The following NCOA2 variants were observed in gnomAD, a reference collection of about 807,000 sequenced individuals.
The protein encoded by NCOA2 is nuclear receptor coactivator 2.
Under a neutral mutation model 145.1 loss-of-function variants are expected in NCOA2, and 21 were observed. The ratio of observed to expected loss-of-function variants is 0.14; its 90% CI spans 0.10 to 0.21. NCOA2 has a LOEUF of 0.21. Ranked by LOEUF, NCOA2 falls within the 10% of genes least tolerant of loss-of-function variation. NCOA2 has a pLI of 1.00. For synonymous variants in NCOA2, 619 were observed against 637.5 expected, an observed-to-expected ratio of 0.97 and a Z score of 0.44; for missense variants, 1,472 against 1,837.6, an observed-to-expected ratio of 0.80 and a Z score of 3.64.
the NCOA2 span, among the ~76,000 whole-genome samples, chr8:70,420,472 AAG>A: frequency 1.3e-5 from 2 of 152,188 alleles, no homozygotes; most frequent in African/African-American, 4.8e-5. Flanking sequence ...TATGCTAACT[AAG>A]AGAGAAGCAA....
intron 2 of NCOA2, among the ~76,000 whole-genome samples, chr8:70,253,356 C>T (rs1251301168): frequency 6.6e-6 from 1 of 151,992 alleles, no homozygotes; most frequent in African/African-American, 2.4e-5. Context: ...CACTAGGTCT[C>T]CAGAACAAAA....
intron 4 of NCOA2, among the ~76,000 whole-genome samples, chr8:70,212,100 T>TATATATA (rs1563628128): frequency 6.8e-6 from 1 of 148,014 alleles, no homozygotes; most frequent in African/African-American, 2.5e-5. Context: ...TATATATATA[T>TATATATA]TTGTTTTGAA....
intron 2 of NCOA2, among the ~76,000 whole-genome samples, chr8:70,254,834 T>C (rs1317453310): frequency 6.6e-6 from 1 of 152,206 alleles, no homozygotes; most frequent in Non-Finnish European, 1.5e-5. Flanking sequence ...GCCACAGAAC[T>C]ATACATTTAA....
At chr8:70,399,755 A>C (rs1445072505) in intron 1 of NCOA2, among the ~76,000 whole-genome samples, 1 of 152,290 alleles carries the variant, frequency 6.6e-6, no homozygotes, top group Non-Finnish European at 1.5e-5. Context: ...CATTTCAGAA[A>C]AATTGTTTAA....
intron 4 of NCOA2, among the ~76,000 whole-genome samples, chr8:70,201,294 TAACAAAATATG>T (rs1452099474): frequency 6.6e-6 from 1 of 152,074 alleles, no homozygotes; most frequent in East Asian, 1.9e-4. Context: ...GAAAATCTCT[TAACAAAATATG>T]AACCAGAATC....
chr8:70,386,783 A>T (rs1812710592), intron 1 of NCOA2, among the ~76,000 whole-genome samples: 1 of 152,100 alleles, frequency 6.6e-6, no homozygotes. Context: ...CTCAGCAGCA[A>T]CTCAAGTGTT....
the NCOA2 span, among the ~76,000 whole-genome samples, chr8:70,422,363 G>T: frequency 6.6e-6 from 1 of 151,596 alleles, no homozygotes; most frequent in Non-Finnish European, 1.5e-5. Flanking sequence ...CCTTAAAGGT[G>T]CATATCCTTG....
At chr8:70,424,397 T>C in the NCOA2 span, 2 of 409,380 alleles carry the variant, frequency 4.9e-6, no homozygotes, top group Non-Finnish European at 9.7e-6. Flanking sequence ...TTCCACCTCA[T>C]CCTCAGAGAG....
chr8:70,247,382 T>C (rs1822719992), intron 2 of NCOA2, among the ~76,000 whole-genome samples: 1 of 152,326 alleles, frequency 6.6e-6, no homozygotes, highest in African/African-American at 2.4e-5. Flanking sequence ...TTTAAGATAA[T>C]GTTTTAATTG....
At chr8:70,307,555 A>ATT (rs775978278) in intron 1 of NCOA2, among the ~76,000 whole-genome samples, 125 of 152,394 alleles carry the variant, frequency 8.2e-4, no homozygotes, top group African/African-American at 2.6e-3. Context: ...GTGGACGACC[A>ATT]TTATATAACT....
At chr8:70,443,763 G>C in the NCOA2 span, among the ~76,000 whole-genome samples, 1 of 152,046 alleles carries the variant, frequency 6.6e-6, no homozygotes, top group Non-Finnish European at 1.5e-5. Flanking sequence ...GTAGAGATGT[G>C]ATCTTGCTAT....
chr8:70,363,213 C>G (rs1810379774), intron 1 of NCOA2, among the ~76,000 whole-genome samples: 1 of 151,810 alleles, frequency 6.6e-6, no homozygotes, highest in Non-Finnish European at 1.5e-5. Flanking sequence ...GAAACCCCGT[C>G]TCTACTAAAA....
chr8:70,228,933 C>T (rs994962716), intron 2 of NCOA2, among the ~76,000 whole-genome samples: 3 of 152,162 alleles, frequency 2.0e-5, no homozygotes, highest in African/African-American at 7.2e-5. Context: ...CTCAGAGACA[C>T]CACGACACAG....
At chr8:70,209,543 A>G (rs1818800802) in intron 4 of NCOA2, among the ~76,000 whole-genome samples, 1 of 152,184 alleles carries the variant, frequency 6.6e-6, no homozygotes, top group African/African-American at 2.4e-5. Context: ...CTTCACTGTT[A>G]TCTTACTTTA....
At chr8:70,362,078 G>A (rs369089891) in intron 1 of NCOA2, among the ~76,000 whole-genome samples, 225 of 152,240 alleles carry the variant, frequency 1.5e-3, no homozygotes, top group African/African-American at 5.3e-3. Flanking sequence ...TTCAAAGTCC[G>A]TTAAACATTG....
the NCOA2 span, among the ~76,000 whole-genome samples, chr8:70,448,716 T>G: frequency 6.6e-4 from 100 of 152,264 alleles, no homozygotes; most frequent in African/African-American, 2.3e-3. Flanking sequence ...ATCTTACATG[T>G]TTTTGCTTAG....
intron 15 of NCOA2, among the ~76,000 whole-genome samples, chr8:70,133,196 GCTA>G (rs1323435245): frequency 8.6e-6 from 1 of 116,456 alleles, no homozygotes; most frequent in Admixed American, 8.0e-5. Context: ...ACAACTGGCT[GCTA>G]CTTTTTTTTT....
At position 70,343,419 on chromosome 8, in the gene NCOA2, G is replaced by T. The variant is rs76203713; in HGVS notation, c.-76-46619C>A. On this transcript the variant is annotated intron_variant, in intron 1 of 22. Coordinates refer to ENST00000452400, the MANE Select transcript of NCOA2 (RefSeq NM_006540.4). Reference sequence around the variant, plus strand: ...GATTATTTATAGCACTTTAAAATGGGTGACCAACTTGAAATTCTAAGAACA... The same window carrying T: ...GATTATTTATAGCACTTTAAAATGGTTGACCAACTTGAAATTCTAAGAACA... 5.9e-3 allele frequency among the ~76,000 whole-genome samples: 894 copies of T among 151,722 alleles called. 5 individuals are homozygous for T. Among genetic ancestry groups the T allele is most frequent in the African/African-American group, 0.02 (834 of 41,358 alleles).
chr8:70,180,092 T>G (rs1029794652), intron 4 of NCOA2, among the ~76,000 whole-genome samples: 3 of 152,244 alleles, frequency 2.0e-5, no homozygotes, highest in Non-Finnish European at 4.4e-5. Context: ...CCACAGTTTT[T>G]CTTTTTAGAT....
Sources: allele counts gnomAD v4.1 joint callset (sites outside exome capture counted in the v4.1 genomes callset), GRCh38; gene constraint gnomAD v4.1.1; transcripts MANE v1.5; gene names NCBI Gene and HGNC (gene_info 2026-07-23, HGNC 2026-07-21).